HYDIN: variants seen among roughly 807,000 people sequenced by gnomAD.
HYDIN encodes the protein axonemal central pair apparatus protein HYDIN.
In HYDIN, 132 loss-of-function variants were observed where a neutral mutation model predicts 403.9. The observed-to-expected ratio is 0.33, with a 90% CI of 0.28 to 0.38. The LOEUF (loss-of-function observed/expected upper bound fraction) is 0.38, where lower values mean the gene tolerates loss of function less well. Among genes scored for constraint, HYDIN ranks in the 10% least tolerant of loss-of-function variants. The pLI is 1.00. For synonymous variants in HYDIN, 1,202 were observed against 1,891.7 expected (o/e 0.64, Z 9.46); for missense variants, 2,827 against 5,009.5 (o/e 0.56, Z 13.15).
rs868748 is a variant in HYDIN, at chr16:70,907,985, G to A, written c.8396+267C>T. On this transcript the variant is annotated intron_variant, in intron 49 of 85. Transcript: ENST00000393567. The stretch of plus-strand genomic sequence containing the variant: ...CTTTAAATTTGCTTAATAGTTAAAT[G>A]AGCAAACTAATTTGCCAAAGGAAGA... Among the ~76,000 whole-genome samples, 138 of 152,214 alleles carry A rather than the reference G, an allele frequency of 9.1e-4. 1 individual carries two copies. The East Asian group carries it at 0.02, about 22-fold the overall frequency.
At chr16:71,191,668 C>T (rs1016017701) in intron 1 of HYDIN, among the ~76,000 whole-genome samples, 2 of 152,088 alleles carry the variant, frequency 1.3e-5, no homozygotes, top group Non-Finnish European at 2.9e-5. Flanking sequence ...CATCTGTTTC[C>T]TTTATTAGCT....
intron 46 of HYDIN, among the ~76,000 whole-genome samples, chr16:70,919,872 GA>G (rs2076945699): frequency 9.8e-6 from 1 of 102,110 alleles, no homozygotes; most frequent in Non-Finnish European, 2.0e-5. Flanking sequence ...AAGAAAAAAA[GA>G]AAAAAAGTTG....
intron 42 of HYDIN, 139 bp downstream of exon 42, chr16:70,943,673 T>A: frequency 8.0e-7 from 1 of 1,242,992 alleles, no homozygotes; most frequent in South Asian, 1.7e-5. Flanking sequence ...ACAAGAGCTG[T>A]CAAAAAGACA....
intron 65 of HYDIN, among the ~76,000 whole-genome samples, chr16:70,869,869 G>A (rs1380412037): frequency 1.3e-5 from 2 of 152,116 alleles, no homozygotes; most frequent in Non-Finnish European, 2.9e-5. Context: ...GAGGGCTCAG[G>A]AGAAGACAGG....
chr16:71,053,469 C>T (rs1597653681), intron 18 of HYDIN, among the ~76,000 whole-genome samples: 1 of 152,130 alleles, frequency 6.6e-6, no homozygotes. Flanking sequence ...AATGGAGTAT[C>T]CACAGCAATT....
At chr16:70,945,258 T>C (rs116553700) in intron 41 of HYDIN, among the ~76,000 whole-genome samples, 56 of 152,250 alleles carry the variant, frequency 3.7e-4, no homozygotes, top group African/African-American at 1.1e-3. Context: ...GGATGGAACA[T>C]AAAGAGTCAC....
chr16:71,001,976 T>C (rs1317575583), intron 23 of HYDIN, among the ~76,000 whole-genome samples: 2 of 152,268 alleles, frequency 1.3e-5, no homozygotes, highest in Non-Finnish European at 2.9e-5. Context: ...AACATCTTTT[T>C]ATTCTTTATT....
intron 23 of HYDIN, among the ~76,000 whole-genome samples, chr16:70,992,820 C>T (rs1438035155): frequency 6.6e-6 from 1 of 152,174 alleles, no homozygotes; most frequent in African/African-American, 2.4e-5. Context: ...AGGGGAAAAG[C>T]AACTGTACCG....
At chr16:71,192,804 C>T (rs2087503075) in intron 1 of HYDIN, among the ~76,000 whole-genome samples, 1 of 152,162 alleles carries the variant, frequency 6.6e-6, no homozygotes, top group Non-Finnish European at 1.5e-5. Flanking sequence ...TCCCAGCACC[C>T]TGTACAGGGC....
chr16:70,892,528 A>G lies in HYDIN; in HGVS notation c.9250T>C (p.Phe3084Leu). The G allele has an allele frequency of 6.2e-7, 1 of 1,603,474 alleles. No homozygotes were observed. ...GAAATCCCTACAGAGTCCACGGAAA[A>G]GCTGAAAGACAAGAATAAGAAGTCA... ...NRGKYEIAFS[F>L]SVDSVGISTP... The change falls in exon 56 of 86, where the codon TTT becomes CTT. Residue 3084 changes from phenylalanine (F) to leucine (L), a missense_variant and splice_region_variant. Physicochemically the swap from Phe to Leu is conservative, Grantham distance 22 (BLOSUM62 0). Coordinates refer to ENST00000393567, the MANE Select transcript of HYDIN (RefSeq NM_001270974.2).
Position 70,921,020 on chromosome 16 carries a change from T to G in HYDIN, c.7356A>C (p.Gln2452His). Residue 2452 changes from glutamine to histidine, a missense_variant, in exon 46 of 86, where the codon CAA becomes CAC. Gln to His is a conservative substitution (Grantham distance 24). Transcript: ENST00000393567. ...EGDNSKDPDK[Q>H]LAPKFKTYEL... ...CATAGGTCTTAAACTTCGGGGCCAG[T>G]TGCTTGTCGGGGTCCTTTGAGTTGT... The G allele has an allele frequency of 1.3e-6, 2 of 1,596,980 alleles. No homozygotes were observed. Among genetic ancestry groups the G allele is most frequent in the South Asian group, 1.1e-5 (1 of 88,862 alleles).
intron 23 of HYDIN, among the ~76,000 whole-genome samples, chr16:70,995,906 T>G (rs2079517855): frequency 6.6e-6 from 1 of 151,448 alleles, no homozygotes; most frequent in Admixed American, 6.6e-5. Context: ...ATGCTGCCAG[T>G]GCACTTCATT....
In HYDIN at chr16:70,802,445, A is replaced by C. The variant is rs1287082309; in HGVS notation, c.*5135T>G. 1 of 152,218 alleles carries C rather than the reference A, an allele frequency of 6.6e-6. No individual in the cohort carries two copies. Among genetic ancestry groups the C allele is most frequent in the African/African-American group, 2.4e-5 (1 of 41,466 alleles). 9.4% of individuals were successfully genotyped at this position (152,218 alleles called of 1,614,324 possible). A position where few individuals can be genotyped will look rare whatever the true frequency, so the allele number is the denominator to read the frequency against. On this transcript the variant is annotated 3_prime_UTR_variant, in exon 86 of 86. Coordinates refer to ENST00000393567, the MANE Select transcript of HYDIN (RefSeq NM_001270974.2). ...CTGACCGAATCAAGTGAGTACTTAA[A>C]AGAGATTAGAAGAAATTTGAACTGG...
At chr16:70,949,011 A>G (rs999598569) in intron 41 of HYDIN, among the ~76,000 whole-genome samples, 3 of 150,618 alleles carry the variant, frequency 2.0e-5, no homozygotes, top group African/African-American at 4.9e-5. Flanking sequence ...ATGCACATGT[A>G]TGTTTATTGC....
chr16:70,899,744 T>C (rs1191552361), intron 53 of HYDIN, among the ~76,000 whole-genome samples: 1 of 152,262 alleles, frequency 6.6e-6, no homozygotes. Flanking sequence ...CGGGGTGGGT[T>C]ATTGCACGTA....
At chr16:70,951,273 AGAGAGAGGGAGAGAGG>A (rs1194721908) in intron 41 of HYDIN, among the ~76,000 whole-genome samples, 10 of 150,772 alleles carry the variant, frequency 6.6e-5, no homozygotes, top group African/African-American at 2.5e-4. Flanking sequence ...AGAGAGAGAG[AGAGAGAGGGAGAGAGG>A]GAGAGAGAGA....
chr16:71,083,917 C>T (rs1358663996), intron 12 of HYDIN, among the ~76,000 whole-genome samples: 10 of 131,316 alleles, frequency 7.6e-5, no homozygotes, highest in African/African-American at 1.5e-4. Context: ...TTTACTTTTG[C>T]GCTTTGGGGC....
intron 24 of HYDIN, among the ~76,000 whole-genome samples, chr16:70,991,863 T>C (rs1353624523): frequency 2.0e-5 from 3 of 151,980 alleles, no homozygotes; most frequent in Non-Finnish European, 4.4e-5. Flanking sequence ...GACAATATGA[T>C]AGGAAGGGCT....
chr16:70,833,133 C>A (rs1457406311), intron 79 of HYDIN, 66 bp from the exon 80 acceptor site: 3 of 1,420,348 alleles, frequency 2.1e-6, no homozygotes, highest in Admixed American at 2.2e-5. Flanking sequence ...CTCAATGCTA[C>A]TGAGAACAAG....
Sources: allele counts gnomAD v4.1 joint callset (sites outside exome capture counted in the v4.1 genomes callset), GRCh38; gene constraint gnomAD v4.1.1; transcripts MANE v1.5; gene names NCBI Gene and HGNC (gene_info 2026-07-23, HGNC 2026-07-21).